The following CPA6 variants were observed in gnomAD, a reference collection of about 807,000 sequenced individuals.
CPA6 encodes the protein carboxypeptidase A6.
Under a neutral mutation model 63.3 loss-of-function variants are expected in CPA6, and 58 were observed. The ratio of observed to expected loss-of-function variants is 0.92; its 90% CI spans 0.74 to 1.14. The LOEUF (loss-of-function observed/expected upper bound fraction) is 1.14. Among genes scored for constraint, CPA6 ranks in the 50% most tolerant of loss-of-function variants. The probability of loss-of-function intolerance (pLI) is 0.00; values close to 1 mark genes in which losing one functional copy is unlikely to be tolerated. For synonymous variants in CPA6, 185 were observed against 179.0 expected, an observed-to-expected ratio of 1.03 and a Z score of -0.27; for missense variants, 565 against 526.6, an observed-to-expected ratio of 1.07 and a Z score of -0.71.
rs544613964 is a variant in CPA6, at chr8:67,548,062, T to A, written c.193-30015A>T. 3.4e-4 allele frequency among the ~76,000 whole-genome samples: 51 copies of A among 152,102 alleles called. No homozygotes were observed. In the Middle Eastern group the frequency reaches 0.017, roughly 51 times the overall value. ...TTTAGACCAGGGAACTTCACTTTTC[T>A]TTTCTTTTTTTTCTTTTCTTTTCTT... On this transcript the variant is annotated intron_variant, in intron 2 of 10. Transcript: ENST00000297770.
At chr8:67,484,812 T>A in intron 6 of CPA6, 23 bp from the exon 7 acceptor site, 1 of 1,359,458 alleles carries the variant, frequency 7.4e-7, no homozygotes, top group Non-Finnish European at 1.0e-6. Context: ...GGTGAGATTT[T>A]TCTTTTAAAT....
At chr8:67,701,141 TCTTTA>T (rs1446657929) in intron 1 of CPA6, among the ~76,000 whole-genome samples, 2 of 152,164 alleles carry the variant, frequency 1.3e-5, no homozygotes, top group African/African-American at 4.8e-5. Context: ...ATTCTCTTAA[TCTTTA>T]CTTATATATT....
intron 2 of CPA6, among the ~76,000 whole-genome samples, chr8:67,576,211 T>C (rs1813621881): frequency 6.6e-6 from 1 of 152,204 alleles, no homozygotes; most frequent in South Asian, 2.1e-4. Flanking sequence ...ATTTCAAATA[T>C]TTGAGGTGAT....
chr8:67,446,126 C>T (rs547407154), intron 8 of CPA6, among the ~76,000 whole-genome samples: 2 of 151,946 alleles, frequency 1.3e-5, no homozygotes, highest in South Asian at 2.1e-4. Flanking sequence ...ATTAGCCGGG[C>T]GTGGTGGCAG....
chr8:67,425,519 C>A (rs565254044), intron 10 of CPA6, among the ~76,000 whole-genome samples: 1 of 152,026 alleles, frequency 6.6e-6, no homozygotes, highest in Non-Finnish European at 1.5e-5. Flanking sequence ...GGATTACAGG[C>A]GCACACCGCC....
intron 3 of CPA6, among the ~76,000 whole-genome samples, chr8:67,515,271 T>C (rs1812120204): frequency 6.6e-6 from 1 of 152,158 alleles, no homozygotes; most frequent in Admixed American, 6.5e-5. Flanking sequence ...CTCATCTCAT[T>C]AAGTCACCAC....
chr8:67,594,684 C>T (rs1477215740), intron 2 of CPA6, among the ~76,000 whole-genome samples: 1 of 152,202 alleles, frequency 6.6e-6, no homozygotes, highest in Non-Finnish European at 1.5e-5. Flanking sequence ...GCTCCTGAGG[C>T]TTCTGCATTC....
chr8:67,510,007 G>C (rs1482255881), intron 4 of CPA6, among the ~76,000 whole-genome samples: 1 of 152,068 alleles, frequency 6.6e-6, no homozygotes, highest in Non-Finnish European at 1.5e-5. Flanking sequence ...TAGGAAAACT[G>C]TCCAAACTAC....
intron 8 of CPA6, among the ~76,000 whole-genome samples, chr8:67,434,889 T>G (rs1290096936): frequency 6.6e-6 from 1 of 152,042 alleles, no homozygotes; most frequent in Non-Finnish European, 1.5e-5. Context: ...ACCCCCCAAG[T>G]GGAGGGAACA....
chr8:67,619,332 A>G (rs1815026997), intron 2 of CPA6, among the ~76,000 whole-genome samples: 1 of 152,344 alleles, frequency 6.6e-6, no homozygotes, highest in African/African-American at 2.4e-5. Flanking sequence ...CCACAAACTT[A>G]GCAGCTTAAA....
chr8:67,603,265 A>T (rs927071875), intron 2 of CPA6, among the ~76,000 whole-genome samples: 1 of 152,042 alleles, frequency 6.6e-6, no homozygotes, highest in African/African-American at 2.4e-5. Flanking sequence ...TGTATTCTTT[A>T]CCTCCCAAGT....
chr8:67,557,218 C>T (rs1056785854), intron 2 of CPA6, among the ~76,000 whole-genome samples: 1 of 152,122 alleles, frequency 6.6e-6, no homozygotes, highest in African/African-American at 2.4e-5. Context: ...ATCAATTTGC[C>T]AGACTAATGG....
chr8:67,686,447 A>G (rs1816711027), intron 1 of CPA6, among the ~76,000 whole-genome samples: 1 of 152,220 alleles, frequency 6.6e-6, no homozygotes, highest in Non-Finnish European at 1.5e-5. Flanking sequence ...TTACATGTAC[A>G]TATATACGCA....
intron 2 of CPA6, among the ~76,000 whole-genome samples, chr8:67,541,844 C>A (rs897055467): frequency 1.3e-5 from 2 of 152,188 alleles, no homozygotes; most frequent in African/African-American, 4.8e-5. Flanking sequence ...TCTAACCAGT[C>A]CCAATGAGAG....
intron 2 of CPA6, among the ~76,000 whole-genome samples, chr8:67,610,593 A>C (rs1027505997): frequency 2.6e-5 from 4 of 152,198 alleles, no homozygotes; most frequent in Non-Finnish European, 4.4e-5. Flanking sequence ...TGGAGGTGAC[A>C]GGAGAGATGA....
chr8:67,738,497 A>G (rs1308797277), intron 1 of CPA6, among the ~76,000 whole-genome samples: 1 of 152,220 alleles, frequency 6.6e-6, no homozygotes, highest in African/African-American at 2.4e-5. Context: ...TGTTTAAGCT[A>G]TGGAGGTTTA....
chr8:67,495,581 C>T (rs1811694119), intron 6 of CPA6, among the ~76,000 whole-genome samples: 1 of 152,042 alleles, frequency 6.6e-6, no homozygotes, highest in Non-Finnish European at 1.5e-5. Context: ...GTTAGTAGCC[C>T]TCACTCTGGG....
chr8:67,719,481 A>T (rs1204651473), intron 1 of CPA6, among the ~76,000 whole-genome samples: 1 of 152,208 alleles, frequency 6.6e-6, no homozygotes, highest in South Asian at 2.1e-4. Context: ...GGGCCAAGTT[A>T]TGGAGGGCCT....
chr8:67,528,676 T>C (rs537125045), intron 2 of CPA6, among the ~76,000 whole-genome samples: 6 of 152,142 alleles, frequency 3.9e-5, no homozygotes, highest in Non-Finnish European at 7.4e-5. Context: ...TTTTTACCCA[T>C]CCTCAGTCTG....
Sources: gnomAD v4.1 joint callset for allele counts (sites outside exome capture counted in the v4.1 genomes callset) on GRCh38, gnomAD v4.1.1 for gene constraint, MANE v1.5 for transcripts, NCBI Gene and HGNC (gene_info 2026-07-23, HGNC 2026-07-21) for gene names.